Variants in MTUS2 observed in about 807,000 individuals in gnomAD.
The protein encoded by MTUS2 is microtubule-associated tumor suppressor candidate 2.
A neutral mutation model predicts 114.1 loss-of-function variants in MTUS2; 40 were observed. That is an observed-to-expected ratio of 0.35 (90% CI 0.27 to 0.46). The LOEUF (loss-of-function observed/expected upper bound fraction) is 0.46. MTUS2 is among the 20% of genes least tolerant of loss of function. The probability of loss-of-function intolerance (pLI) is 1.00; values close to 1 mark genes in which losing one functional copy is unlikely to be tolerated. For synonymous variants in MTUS2, 688 were observed against 672.0 expected (o/e 1.02, Z -0.37); for missense variants, 1,679 against 1,705.4 (o/e 0.98, Z 0.27).
At chr13:29,478,045 A>G (rs1880836238) in intron 9 of MTUS2, among the ~76,000 whole-genome samples, 1 of 152,344 alleles carries the variant, frequency 6.6e-6, no homozygotes, top group East Asian at 1.9e-4. Flanking sequence ...AAAACATCAG[A>G]TGCACTAAAT....
At chr13:28,825,135 C>G (rs2137927729) in intron 1 of MTUS2, among the ~76,000 whole-genome samples, 1 of 152,302 alleles carries the variant, frequency 6.6e-6, no homozygotes, top group African/African-American at 2.4e-5. Context: ...CCCACGAACA[C>G]TGGTGTTGTT....
intron 2 of MTUS2, among the ~76,000 whole-genome samples, chr13:28,989,847 G>GT (rs1448172283): frequency 1.4e-4 from 14 of 103,278 alleles, no homozygotes; most frequent in Middle Eastern, 4.7e-3. Context: ...TTTTTGTTTT[G>GT]TTTTGTTTTT....
At chr13:29,259,195 T>A (rs1438601168) in intron 5 of MTUS2, among the ~76,000 whole-genome samples, 1 of 152,188 alleles carries the variant, frequency 6.6e-6, no homozygotes, top group Non-Finnish European at 1.5e-5. Flanking sequence ...ATGTGTGTGA[T>A]AGTTCTGCCC....
At chr13:29,194,082 C>T (rs1226203828) in intron 5 of MTUS2, among the ~76,000 whole-genome samples, 1 of 150,694 alleles carries the variant, frequency 6.6e-6, no homozygotes, top group Admixed American at 6.6e-5. Flanking sequence ...ACACCTTATA[C>T]AAAAATTAAT....
At chr13:29,226,520 C>T (rs1033672137) in intron 5 of MTUS2, among the ~76,000 whole-genome samples, 1 of 152,108 alleles carries the variant, frequency 6.6e-6, no homozygotes, top group African/African-American at 2.4e-5. Context: ...ACTTCATTTG[C>T]ACTCCCAAAA....
intron 7 of MTUS2, among the ~76,000 whole-genome samples, chr13:29,350,306 G>A (rs1314313437): frequency 3.3e-5 from 5 of 150,686 alleles, no homozygotes; most frequent in Admixed American, 2.7e-4. Flanking sequence ...AGTCATTTAG[G>A]TTGTTGGTAG....
intron 2 of MTUS2, among the ~76,000 whole-genome samples, chr13:29,001,825 A>G (rs1349452987): frequency 1.3e-5 from 2 of 152,186 alleles, no homozygotes; most frequent in Non-Finnish European, 2.9e-5. Flanking sequence ...AGAGGGAGGC[A>G]GGAGTGTCAA....
chr13:29,257,588 G>A lies in MTUS2; in HGVS notation c.2645-24116G>A, dbSNP rs557540552. Among the ~76,000 whole-genome samples the A allele has an allele frequency of 3.3e-5, 5 of 152,212 alleles. No homozygotes were observed. In the South Asian group the frequency reaches 1.0e-3, roughly 32 times the overall value. Reference sequence around the variant, plus strand: ...CTTATTTGATCTTAAAAGGAGTTTGGATTTTATTTTATAAGAGATGGGGAA... The same window carrying A: ...CTTATTTGATCTTAAAAGGAGTTTGAATTTTATTTTATAAGAGATGGGGAA... On this transcript the variant is annotated intron_variant, in intron 5 of 15. Transcript: ENST00000612955.
At position 29,265,120 on chromosome 13, in the gene MTUS2, G is replaced by A. The variant is rs577463438; in HGVS notation, c.2645-16584G>A. On this transcript the variant is annotated intron_variant, in intron 5 of 15. Coordinates refer to ENST00000612955, the MANE Select transcript of MTUS2 (RefSeq NM_001033602.4). The stretch of plus-strand genomic sequence containing the variant: ...GCAATAGGCTGTTACAAGCAGCCAC[G>A]CTATACCTTAGACACTTTGCTGTTG... 5.9e-5 allele frequency among the ~76,000 whole-genome samples: 9 copies of A among 151,984 alleles called. No individual in the cohort carries two copies. The South Asian group carries it at 1.5e-3, about 25-fold the overall frequency.
intron 5 of MTUS2, among the ~76,000 whole-genome samples, chr13:29,187,366 G>T (rs1009007471): frequency 3.3e-5 from 5 of 152,044 alleles, no homozygotes; most frequent in African/African-American, 1.2e-4. Context: ...CAGACCAAGA[G>T]AAATTAAAGA....
intron 2 of MTUS2, among the ~76,000 whole-genome samples, chr13:28,969,871 C>G (rs2138249223): frequency 6.6e-6 from 1 of 152,342 alleles, no homozygotes; most frequent in Middle Eastern, 3.4e-3. Context: ...ACCTCTGCCT[C>G]CTGGGTTCAA....
At chr13:29,229,328 AC>A (rs1896234260) in intron 5 of MTUS2, among the ~76,000 whole-genome samples, 1 of 151,916 alleles carries the variant, frequency 6.6e-6, no homozygotes, top group South Asian at 2.1e-4. Flanking sequence ...CAACATTTTC[AC>A]TCATTTTCTT....
At chr13:28,920,778 C>A (rs1220302133) in intron 2 of MTUS2, among the ~76,000 whole-genome samples, 4 of 152,180 alleles carry the variant, frequency 2.6e-5, no homozygotes, top group African/African-American at 9.7e-5. Context: ...AAAGTCCTTC[C>A]TGCTCTTCCC....
intron 2 of MTUS2, among the ~76,000 whole-genome samples, chr13:28,885,879 GA>G (rs1350123991): frequency 6.6e-6 from 1 of 152,230 alleles, no homozygotes; most frequent in Non-Finnish European, 1.5e-5. Context: ...AGGTCTATTG[GA>G]AAACCTTTAG....
At chr13:28,983,705 C>G (rs1884456952) in intron 2 of MTUS2, among the ~76,000 whole-genome samples, 1 of 152,212 alleles carries the variant, frequency 6.6e-6, no homozygotes, top group Non-Finnish European at 1.5e-5. Flanking sequence ...CCACCCCAGG[C>G]CCTTGGAACC....
intron 8 of MTUS2, chr13:29,428,654 C>T: frequency 8.5e-7 from 1 of 1,170,160 alleles, no homozygotes. Context: ...CCCTGCTCTC[C>T]TCCTCCTCTC....
At chr13:29,493,428 A>G (rs998925747) in intron 12 of MTUS2, among the ~76,000 whole-genome samples, 1 of 152,184 alleles carries the variant, frequency 6.6e-6, no homozygotes, top group African/African-American at 2.4e-5. Context: ...TTCCAAGTGT[A>G]GCAATTCCAA....
intron 2 of MTUS2, among the ~76,000 whole-genome samples, chr13:28,956,106 T>C (rs1202108416): frequency 2.7e-5 from 4 of 146,764 alleles, no homozygotes; most frequent in Admixed American, 1.4e-4. Flanking sequence ...GTCATTCTTA[T>C]GCCTTTGCGT....
chr13:29,193,160 A>G (rs184050983), intron 5 of MTUS2, among the ~76,000 whole-genome samples: 1 of 152,316 alleles, frequency 6.6e-6, no homozygotes, highest in Admixed American at 6.5e-5. Flanking sequence ...TGGTCACTAC[A>G]CAGTGCAGGA....
Sources: allele counts gnomAD v4.1 joint callset (sites outside exome capture counted in the v4.1 genomes callset), GRCh38; gene constraint gnomAD v4.1.1; transcripts MANE v1.5; gene names NCBI Gene and HGNC (gene_info 2026-07-23, HGNC 2026-07-21).